The following MED25 variants were observed in gnomAD, a reference collection of about 807,000 sequenced individuals.
MED25 encodes mediator of RNA polymerase II transcription subunit 25.
In MED25, 62 loss-of-function variants were observed where a neutral mutation model predicts 89.4. The ratio of observed to expected loss-of-function variants is 0.69; its 90% CI spans 0.57 to 0.86. The LOEUF (loss-of-function observed/expected upper bound fraction) is 0.86, where lower values mean the gene tolerates loss of function less well. Among genes scored for constraint, MED25 ranks in the 40% least tolerant of loss-of-function variants. MED25 has a pLI of 0.00. For missense variants in MED25, 905 were observed against 1,005.2 expected (o/e 0.90, Z 1.35); for synonymous variants, 449 against 427.9 (o/e 1.05, Z -0.61).
intron 3 of MED25, chr19:49,819,535 G>T (rs2073967810): frequency 7.7e-6 from 4 of 516,568 alleles, no homozygotes; most frequent in Non-Finnish European, 1.4e-5. Context: ...CATACATTAA[G>T]GGATTGAAAG....
rs2074052663 is a variant in MED25 at position 49,830,980 on chromosome 19, T to C, written c.1101+93T>C. On this transcript the variant is annotated intron_variant, in intron 9 of 17. Coordinates refer to ENST00000312865, the MANE Select transcript of MED25 (RefSeq NM_030973.4). The surrounding 1 kb of genome is among the most constrained non-coding windows in gnomAD (Gnocchi z 4.6). Reference sequence around the variant, plus strand: ...ATGAGTCATTTGCCTTCCAGGGGGATGTGGCTCTCGTGGTTCTGGGGCTTT... The same window carrying C: ...ATGAGTCATTTGCCTTCCAGGGGGACGTGGCTCTCGTGGTTCTGGGGCTTT... 3 of 1,389,414 alleles carry C rather than the reference T, an allele frequency of 2.2e-6. No homozygotes were observed. The highest frequency in any genetic ancestry group is 3.4e-5 in the Admixed American group (2 of 59,694). 86.1% of individuals were successfully genotyped at this position (1,389,414 alleles called of 1,614,324 possible).
At position 49,831,013 on chromosome 19, in the gene MED25, C is replaced by T. The variant is rs1345798523; in HGVS notation, c.1101+126C>T. The T allele has an allele frequency of 5.5e-6, 6 of 1,092,760 alleles. No homozygotes were observed. Among genetic ancestry groups the T allele is most frequent in the Middle Eastern group, 2.9e-4 (1 of 3,496 alleles). 67.7% of individuals were successfully genotyped at this position (1,092,760 alleles called of 1,614,324 possible). A position where few individuals can be genotyped will look rare whatever the true frequency, so the allele number is the denominator to read the frequency against. ...TCGTGGTTCTGGGGCTTTGGGGGCT[C>T]GTGGTGTGTGTGCTGCAGATGCCTG... On this transcript the variant is annotated intron_variant, in intron 9 of 17. Transcript: ENST00000312865. This position sits in a 1 kb window ranked among gnomAD's most constrained non-coding sequence, Gnocchi z 5.0.
In MED25 at chr19:49,819,225, C is replaced by G. The variant is rs74863643; in HGVS notation, c.234C>G (p.Pro78=). Residue 78 remains proline, a synonymous_variant, in exon 3 of 18, where the codon CCC becomes CCG. Transcript: ENST00000312865. ...TGTTCAACACAGTGGACTGCGCTCC[C>G]GAGTCCTACGTACAATGTCACGCTC... ...LVVFNTVDCA[P]ESYVQCHAPT... The G allele has an allele frequency of 0.013, 21,302 of 1,614,180 alleles. 906 individuals are homozygous for G. The highest frequency in any genetic ancestry group is 0.12 in the East Asian group (5,569 of 44,888).
At position 49,818,306 on chromosome 19, in the gene MED25, G is replaced by C. The variant is rs1162962997; in HGVS notation, c.-36G>C. On this transcript the variant is annotated 5_prime_UTR_variant, in exon 1 of 18. Transcript: ENST00000312865. ...TTCTGCTCATTCCGCGGCGTCGGCT[G>C]CGGCTGCAGTGGTGGTGGCGGGTAC... The C allele has an allele frequency of 1.3e-6, 2 of 1,559,986 alleles. No individual in the cohort carries two copies. Among genetic ancestry groups the C allele is most frequent in the Non-Finnish European group, 1.7e-6 (2 of 1,151,708 alleles).
chr19:49,819,759 C>T (rs898118807), intron 3 of MED25: 1 of 314,850 alleles, frequency 3.2e-6, no homozygotes, highest in African/African-American at 2.2e-5. Flanking sequence ...CAGATGGGTA[C>T]ATTGTAGCCT....
intron 13 of MED25, chr19:49,832,821 C>G (rs1206045229): frequency 1.5e-5 from 5 of 329,398 alleles, no homozygotes; most frequent in South Asian, 7.7e-5. Context: ...GGGCCACGCT[C>G]TCTCTAGAGG....
chr19:49,836,822 C>T lies in MED25; in HGVS notation c.2147-25C>T, dbSNP rs761720007. On this transcript the variant is annotated intron_variant, in intron 17 of 17. Transcript: ENST00000312865. This position sits in a 1 kb window ranked among gnomAD's most constrained non-coding sequence, Gnocchi z 5.1. ...GGGCCCAAGGGCCTACTGGGAGATG[C>T]AGTCCCTTCCCCACTGCCCCTCAGG... The T allele has an allele frequency of 2.5e-5, 40 of 1,577,250 alleles. No individual in the cohort carries two copies. The South Asian group carries it at 4.0e-4, about 16-fold the overall frequency.
intron 3 of MED25, among the ~76,000 whole-genome samples, chr19:49,820,718 G>A (rs985288013): frequency 6.6e-6 from 1 of 152,224 alleles, no homozygotes; most frequent in Non-Finnish European, 1.5e-5. Context: ...CTAATACATA[G>A]AACTTATTTC....
At position 49,819,244 on chromosome 19, in the gene MED25, C is replaced by T; in HGVS notation, c.253C>T (p.His85Tyr). 2 of 1,614,210 alleles carry T rather than the reference C, an allele frequency of 1.2e-6. No homozygotes were observed. The highest frequency in any genetic ancestry group is 4.5e-5 in the East Asian group (2 of 44,882). Residue 85 changes from histidine to tyrosine, a missense_variant, in exon 3 of 18, where the codon CAC becomes TAC. This residue lies in a region of MED25 where 501 missense variants were observed against 526.9 expected (regional missense o/e 0.95). Transcript: ENST00000312865. ...DCAPESYVQC[H>Y]APTSSAYEFV... ...CGCTCCCGAGTCCTACGTACAATGT[C>T]ACGCTCCCACCAGCAGCGCCTATGA...
Position 49,830,922 on chromosome 19 carries a change from C to A in MED25, c.1101+35C>A. The A allele has an allele frequency of 6.3e-7, 1 of 1,590,338 alleles. No homozygotes were observed. The highest frequency in any genetic ancestry group is 8.6e-7 in the Non-Finnish European group (1 of 1,168,344). On this transcript the variant is annotated intron_variant, in intron 9 of 17. Coordinates refer to ENST00000312865, the MANE Select transcript of MED25 (RefSeq NM_030973.4). The surrounding 1 kb of genome is among the most constrained non-coding windows in gnomAD (Gnocchi z 4.6). ...TGCACGCCTCCTGCCCCTGCTCCTT[C>A]CTCCTGCTGTCCACAGCTAGGACAG...
chr19:49,839,367 C>G (rs572956954), downstream of MED25: 198 of 161,068 alleles, frequency 1.2e-3, 2 homozygotes, highest in South Asian at 0.025. Flanking sequence ...TGGGTCGTTG[C>G]ATCCATCATC....
chr19:49,836,078 AGGCAGACCGCCTCCTCTCC>A lies in MED25; in HGVS notation c.1965+135_1966-128del. 1 of 1,531,524 alleles carries A rather than the reference AGGCAGACCGCCTCCTCTCC, an allele frequency of 6.5e-7. No homozygotes were observed. The highest frequency in any genetic ancestry group is 1.2e-5 in the South Asian group (1 of 84,370). 94.9% of individuals were successfully genotyped at this position (1,531,524 alleles called of 1,614,324 possible). A position where few individuals can be genotyped will look rare whatever the true frequency, so the allele number is the denominator to read the frequency against. On this transcript the variant is annotated intron_variant, in intron 16 of 17. Transcript: ENST00000312865. This position sits in a 1 kb window ranked among gnomAD's most constrained non-coding sequence, Gnocchi z 5.1. ...GGACCCGCCCAGGGCTTTAGGCAGA[AGGCAGACCGCCTCCTCTCC>A]GTCCATCCCCCACCTTTGAAGAAAA...
At chr19:49,822,601 C>G (rs1490078822) in intron 3 of MED25, among the ~76,000 whole-genome samples, 1 of 144,388 alleles carries the variant, frequency 6.9e-6, no homozygotes. Flanking sequence ...GTAATCAAGT[C>G]TTGGAAGTTA....
chr19:49,829,962 A>G lies in MED25; in HGVS notation c.688+14A>G. The G allele has an allele frequency of 6.2e-7, 1 of 1,607,230 alleles. No individual in the cohort carries two copies. The highest frequency in any genetic ancestry group is 8.5e-7 in the Non-Finnish European group (1 of 1,175,384). ...TCGTGCTGCCTGGTGAGGCCTGGGC[A>G]CCGTGCGCGGGGATGGGGGCTCGAC... On this transcript the variant is annotated intron_variant, in intron 6 of 17. Coordinates refer to ENST00000312865, the MANE Select transcript of MED25 (RefSeq NM_030973.4). This position sits in a 1 kb window ranked among gnomAD's most constrained non-coding sequence, Gnocchi z 4.6.
At chr19:49,822,811 C>A (rs1339146587) in intron 3 of MED25, among the ~76,000 whole-genome samples, 2 of 151,850 alleles carry the variant, frequency 1.3e-5, no homozygotes, top group Admixed American at 6.6e-5. Context: ...CCACACCCAG[C>A]TAATTTTTTG....
At position 49,835,743 on chromosome 19, in the gene MED25, C is replaced by T. The variant is rs753523274; in HGVS notation, c.1763C>T (p.Pro588Leu). The T allele has an allele frequency of 1.2e-5, 20 of 1,610,308 alleles. No homozygotes were observed. The highest frequency in any genetic ancestry group is 5.0e-5 in the Admixed American group (3 of 59,900). Residue 588 changes from proline (P) to leucine (L), a missense_variant, in exon 16 of 18, where the codon CCG (proline) becomes CTG (leucine). Physicochemically the swap from Pro to Leu is moderately conservative, Grantham distance 98. This residue lies in a region of MED25 where 271 missense variants were observed against 258.1 expected (regional missense o/e 1.05). Coordinates refer to ENST00000312865, the MANE Select transcript of MED25 (RefSeq NM_030973.4). The surrounding 1 kb of genome is among the most constrained non-coding windows in gnomAD (Gnocchi z 6.2). ...TCCCACCAGCTCCAGCTCCGCCCAC[C>T]GCAGCCCCAGCCTCAGGGTACCGTA... ...PSQNLLQLRP[P>L]QPQPQGTVGA...
rs1475262890 is a variant in MED25 at position 49,819,274 on chromosome 19, G to C, written c.283G>C (p.Val95Leu). 1 of 1,613,992 alleles carries C rather than the reference G, an allele frequency of 6.2e-7. No individual in the cohort carries two copies. Among genetic ancestry groups the C allele is most frequent in the Non-Finnish European group, 8.5e-7 (1 of 1,180,036 alleles). Residue 95 changes from valine (V) to leucine (L), a missense_variant, in exon 3 of 18, where the codon GTC becomes CTC. Val to Leu is a conservative substitution (Grantham distance 32). This residue lies in a region of MED25 where 501 missense variants were observed against 526.9 expected (regional missense o/e 0.95). Coordinates refer to ENST00000312865, the MANE Select transcript of MED25 (RefSeq NM_030973.4). ...TCCCACCAGCAGCGCCTATGAGTTT[G>C]TCACCTGGCTCGATGGCATTAAGTG... ...HAPTSSAYEF[V>L]TWLDGIKFMG...
chr19:49,823,866 G>A lies in MED25; in HGVS notation c.305+4570G>A, dbSNP rs563687809. Among the ~76,000 whole-genome samples the A allele has an allele frequency of 8.5e-5, 13 of 152,240 alleles. 1 individual carries two copies. The South Asian group carries it at 2.7e-3, about 32-fold the overall frequency. On this transcript the variant is annotated intron_variant, in intron 3 of 17. Coordinates refer to ENST00000312865, the MANE Select transcript of MED25 (RefSeq NM_030973.4). ...GGGGCCGTCCTGGGTATTGTAGGAT[G>A]TTTAACATCATCCTTGGCCTCTACT... is the stretch of plus-strand genomic sequence containing the variant.
At chr19:49,832,076 C>T (rs986697858) in intron 11 of MED25, 24 bp from the exon 12 acceptor site, 6 of 1,613,806 alleles carry the variant, frequency 3.7e-6, no homozygotes, top group African/African-American at 2.7e-5. Context: ...CCCCTCCTCA[C>T]ACCTCTCCTG....
Sources: gnomAD v4.1 joint callset for allele counts (sites outside exome capture counted in the v4.1 genomes callset) on GRCh38, gnomAD v4.1.1 for gene constraint, gnomAD v4.1.1 regional missense constraint, Gnocchi (gnomAD v3.1) non-coding constraint, MANE v1.5 for transcripts, NCBI Gene and HGNC (gene_info 2026-07-23, HGNC 2026-07-21) for gene names.